FHL5: variants seen among roughly 807,000 people sequenced by gnomAD.
FHL5 encodes four and a half LIM domains 5, also known as four and a half LIM domains protein 5.
Under a neutral mutation model 32.0 loss-of-function variants are expected in FHL5, and 33 were observed. That is an observed-to-expected ratio of 1.03 (90% CI 0.78 to 1.38). The LOEUF (loss-of-function observed/expected upper bound fraction) is 1.38, where lower values mean the gene tolerates loss of function less well. Among genes scored for constraint, FHL5 ranks in the 40% most tolerant of loss-of-function variants. FHL5 has a pLI of 0.00. For synonymous variants in FHL5, 114 were observed against 113.6 expected (o/e 1.00, Z -0.02); for missense variants, 336 against 343.9 (o/e 0.98, Z 0.18).
intron 1 of FHL5, among the ~76,000 whole-genome samples, chr6:96,577,275 C>T (rs1331296926): frequency 6.6e-6 from 1 of 152,174 alleles, no homozygotes; most frequent in Non-Finnish European, 1.5e-5. Flanking sequence ...TTTAAAATCA[C>T]ATTCTGGCAA....
At chr6:96,600,491 C>G (rs907387023) in intron 1 of FHL5, among the ~76,000 whole-genome samples, 1 of 151,882 alleles carries the variant, frequency 6.6e-6, no homozygotes, top group Non-Finnish European at 1.5e-5. Context: ...TTCTTCATTC[C>G]TTTATTCCAA....
chr6:96,598,413 C>T (rs781456722), intron 1 of FHL5, among the ~76,000 whole-genome samples: 2 of 152,180 alleles, frequency 1.3e-5, no homozygotes, highest in African/African-American at 2.4e-5. Context: ...ATCCCTCCAA[C>T]TTGAAGAAGG....
intron 1 of FHL5, among the ~76,000 whole-genome samples, chr6:96,591,673 T>A (rs573353033): frequency 3.3e-5 from 5 of 152,302 alleles, no homozygotes; most frequent in African/African-American, 1.2e-4. Context: ...ATCCTCAATT[T>A]GTTATTAATC....
intron 1 of FHL5, among the ~76,000 whole-genome samples, chr6:96,576,230 G>T (rs1284742450): frequency 6.6e-6 from 1 of 152,160 alleles, no homozygotes; most frequent in Non-Finnish European, 1.5e-5. Flanking sequence ...TTTTCCACAG[G>T]ACCTCTCTCA....
rs949568535 is a variant in FHL5, at chr6:96,617,276, T to C, written c.*1504T>C. ...AGCCCACATAGATATATAACTGTCT[T>C]CTCTCAGATTACACATTATAGCATT... On this transcript the variant is annotated 3_prime_UTR_variant, in exon 6 of 6. Transcript: ENST00000450218. 6.6e-6 allele frequency among the ~76,000 whole-genome samples: 1 copy of C among 152,136 alleles called. No homozygotes were observed. The highest frequency in any genetic ancestry group is 1.5e-5 in the Non-Finnish European group (1 of 68,026).
At chr6:96,596,289 C>T (rs796262277) in intron 1 of FHL5, among the ~76,000 whole-genome samples, 41 of 152,134 alleles carry the variant, frequency 2.7e-4, no homozygotes, top group African/African-American at 8.7e-4. Context: ...CTTGCCAGTT[C>T]GGCAACACAT....
chr6:96,599,761 A>C (rs211185), intron 1 of FHL5, among the ~76,000 whole-genome samples: 1,798 of 152,348 alleles, frequency 0.012, 52 homozygotes, highest in African/African-American at 0.042. Context: ...GATATATTGC[A>C]AGTGAATGAC....
At chr6:96,601,299 A>G (rs971091820) in intron 1 of FHL5, among the ~76,000 whole-genome samples, 3 of 152,178 alleles carry the variant, frequency 2.0e-5, no homozygotes, top group African/African-American at 7.2e-5. Context: ...ACACCACAGC[A>G]CTCCAGCCTG....
In FHL5 at chr6:96,604,697, T is replaced by C; in HGVS notation, c.160-53T>C. 3 of 1,429,910 alleles carry C rather than the reference T, an allele frequency of 2.1e-6. No individual in the cohort carries two copies. In the South Asian group the frequency reaches 4.0e-5, roughly 19 times the overall value. The allele number at this position is 1,429,910 out of a possible 1,614,324, so 88.6% of individuals were successfully genotyped here. On this transcript the variant is annotated intron_variant, in intron 2 of 5. Transcript: ENST00000450218. ...GAGTGTTCAGTTTTGTTTCATAAAA[T>C]GGCCTGTATTGTCACAACCACATTT...
chr6:96,603,707 T>C lies in FHL5; in HGVS notation c.94T>C (p.Cys32Arg), dbSNP rs1265254102. The C allele has an allele frequency of 6.2e-7, 1 of 1,612,636 alleles. No homozygotes were observed. Among genetic ancestry groups the C allele is most frequent in the Non-Finnish European group, 8.5e-7 (1 of 1,179,178 alleles). Residue 32 changes from cysteine to arginine, a missense_variant, in exon 2 of 6, where the codon TGT (cysteine) becomes CGT (arginine). Physicochemically the swap from Cys to Arg is radical, Grantham distance 180 (BLOSUM62 -3). Transcript: ENST00000450218. ...LKDDSPYCVT[C>R]YDRVFSNYCE... ...GGATGACAGTCCATACTGTGTTACA[T>C]GTTATGATCGTGTATTTTCTAACTA...
chr6:96,586,523 T>G (rs1238258543), intron 1 of FHL5, among the ~76,000 whole-genome samples: 1 of 152,094 alleles, frequency 6.6e-6, no homozygotes, highest in Admixed American at 6.6e-5. Flanking sequence ...ACAGTGAAGC[T>G]TGGGAGGAAG....
At chr6:96,594,971 T>C (rs78351860) in intron 1 of FHL5, among the ~76,000 whole-genome samples, 1,769 of 152,118 alleles carry the variant, frequency 0.012, 32 homozygotes, top group African/African-American at 0.034. Context: ...TTATGTGTTT[T>C]TGAACCCCAC....
Position 96,608,169 on chromosome 6 carries a change from C to T in FHL5, c.504+2098C>T, listed in dbSNP as rs187516485. Among the ~76,000 whole-genome samples the T allele has an allele frequency of 2.2e-3, 334 of 152,226 alleles. 1 individual carries two copies. Among genetic ancestry groups the T allele is most frequent in the African/African-American group, 7.7e-3 (320 of 41,534 alleles). On this transcript the variant is annotated intron_variant, in intron 4 of 5. Coordinates refer to ENST00000450218, the MANE Select transcript of FHL5 (RefSeq NM_001322466.2). ...AATTATCCTAAAATCATTTATCAGACACAATAATGAAGACTCTTTCAATGC... is the reference window on the plus strand; with the variant it reads ...AATTATCCTAAAATCATTTATCAGATACAATAATGAAGACTCTTTCAATGC...
intron 1 of FHL5, among the ~76,000 whole-genome samples, chr6:96,581,334 C>T (rs1279281182): frequency 6.6e-6 from 1 of 152,132 alleles, no homozygotes; most frequent in African/African-American, 2.4e-5. Context: ...AACCAATTTA[C>T]AATCTTTTCA....
Position 96,595,363 on chromosome 6 carries a change from T to TC in FHL5, c.-12-8238dup, listed in dbSNP as rs1396480283. ...TGTTGGTGTTTTAGACATTTTTTTT[T>TC]CTCTTTGAATGTCTTTAAGATCATC... On this transcript the variant is annotated intron_variant, in intron 1 of 5. Coordinates refer to ENST00000450218, the MANE Select transcript of FHL5 (RefSeq NM_001322466.2). Among the ~76,000 whole-genome samples, 5 of 151,832 alleles carry TC rather than the reference T, an allele frequency of 3.3e-5. No individual in the cohort carries two copies. The East Asian group carries it at 7.7e-4, about 23-fold the overall frequency.
At chr6:96,608,291 A>G (rs1771326892) in intron 4 of FHL5, among the ~76,000 whole-genome samples, 1 of 152,196 alleles carries the variant, frequency 6.6e-6, no homozygotes, top group African/African-American at 2.4e-5. Flanking sequence ...GCCTGTAACT[A>G]TATTTAGGAT....
In FHL5 at chr6:96,603,783, C is replaced by A. The variant is rs1445956966; in HGVS notation, c.159+11C>A. ...GAATCTGATTCTAAGGTAAGTCTCA[C>A]CTCAATTTACAGAATTACTGCCTAT... On this transcript the variant is annotated intron_variant, in intron 2 of 5. Transcript: ENST00000450218. The A allele has an allele frequency of 6.3e-7, 1 of 1,599,012 alleles. No homozygotes were observed. The highest frequency in any genetic ancestry group is 1.7e-5 in the Admixed American group (1 of 58,474).
intron 1 of FHL5, among the ~76,000 whole-genome samples, chr6:96,567,707 T>C (rs1302265830): frequency 1.3e-5 from 2 of 151,560 alleles, no homozygotes; most frequent in Non-Finnish European, 2.9e-5. Context: ...TTTCACCTCC[T>C]TGGTTAAATA....
In FHL5 at chr6:96,615,659, G is replaced by A. The variant is rs757818234; in HGVS notation, c.742G>A (p.Glu248Lys). The A allele has an allele frequency of 5.6e-6, 9 of 1,612,928 alleles. No individual in the cohort carries two copies. Among genetic ancestry groups the A allele is most frequent in the African/African-American group, 1.3e-5 (1 of 74,816 alleles). ...ICFQDSQWHS[E>K]CFNCGKCSVS... is the part of the protein sequence containing the mutation. ...CTTTCAAGACAGCCAGTGGCATAGC[G>A]AATGCTTTAACTGCGGGAAATGCTC... The change falls in exon 6 of 6, where the codon GAA becomes AAA. Residue 248 changes from glutamate (E) to lysine (K), a missense_variant. Transcript: ENST00000450218.
Sources: gnomAD v4.1 joint callset for allele counts (sites outside exome capture counted in the v4.1 genomes callset) on GRCh38, gnomAD v4.1.1 for gene constraint, MANE v1.5 for transcripts, NCBI Gene and HGNC (gene_info 2026-07-23, HGNC 2026-07-21) for gene names.